SUMF1: variants seen among roughly 807,000 people sequenced by gnomAD.
SUMF1 encodes sulfatase modifying factor 1.
SUMF1 carries 48 observed loss-of-function variants against 47.6 expected under a neutral mutation model. The ratio of observed to expected loss-of-function variants is 1.01; its 90% confidence interval spans 0.80 to 1.28. The LOEUF (loss-of-function observed/expected upper bound fraction) is 1.28, where lower values mean the gene tolerates loss of function less well. SUMF1 is among the 50% of genes most tolerant of loss of function. The pLI, the probability that SUMF1 is intolerant of heterozygous loss-of-function variation, is 0.00. For synonymous variants in SUMF1, 230 were observed against 192.1 expected, an observed-to-expected ratio of 1.20 and a Z score of -1.63; for missense variants, 571 against 485.4, an observed-to-expected ratio of 1.18 and a Z score of -1.66.
intron 8 of SUMF1, among the ~76,000 whole-genome samples, chr3:4,241,467 G>A (rs575050256): frequency 3.3e-5 from 5 of 152,234 alleles, no homozygotes; most frequent in Admixed American, 2.0e-4. Context: ...ACTTGGCTAA[G>A]TCATGTAACC....
intron 8 of SUMF1, among the ~76,000 whole-genome samples, chr3:4,088,701 G>T (rs770998957): frequency 4.6e-5 from 7 of 152,072 alleles, no homozygotes; most frequent in Non-Finnish European, 1.0e-4. Flanking sequence ...CTAGGATGGA[G>T]CCTGACATAT....
At chr3:4,050,560 A>G (rs1695089465) in intron 9 of SUMF1, among the ~76,000 whole-genome samples, 1 of 151,546 alleles carries the variant, frequency 6.6e-6, no homozygotes, top group Non-Finnish European at 1.5e-5. Flanking sequence ...TGGGCAACAT[A>G]GCAAGACCCC....
At chr3:4,145,124 C>A (rs1363186463) in intron 8 of SUMF1, among the ~76,000 whole-genome samples, 2 of 141,250 alleles carry the variant, frequency 1.4e-5, no homozygotes. Context: ...ACCCAGGAGG[C>A]GGAGCTTGCA....
rs906752856 is a variant in SUMF1 at position 4,111,032 on chromosome 3, A to G, written c.1015-42287T>C. Among the ~76,000 whole-genome samples the G allele has an allele frequency of 1.1e-4, 16 of 149,416 alleles. 3 individuals are homozygous for G. Among genetic ancestry groups the G allele is most frequent in the East Asian group, 2.0e-4 (1 of 5,018 alleles). On this transcript the variant is annotated intron_variant and NMD_transcript_variant, in intron 8 of 12. Coordinates refer to the SUMF1 transcript ENST00000448413. ...ACTTACAATCATAGCAAAAAAAAAA[A>G]GGGAGAGATTAAAATATTTCAGTTG...
chr3:4,119,743 C>G (rs1195805600), intron 8 of SUMF1, among the ~76,000 whole-genome samples: 1 of 151,754 alleles, frequency 6.6e-6, no homozygotes, highest in Non-Finnish European at 1.5e-5. Flanking sequence ...CACAAACCAC[C>G]AAGTTCTCAT....
At chr3:4,108,898 T>G (rs1414777395) in intron 8 of SUMF1, among the ~76,000 whole-genome samples, 5 of 152,208 alleles carry the variant, frequency 3.3e-5, no homozygotes, top group Middle Eastern at 6.8e-3. Context: ...TCTGTGTCTT[T>G]TAATTGGAGC....
At chr3:4,161,502 C>T (rs189959122) in intron 8 of SUMF1, among the ~76,000 whole-genome samples, 4 of 152,110 alleles carry the variant, frequency 2.6e-5, no homozygotes, top group Admixed American at 1.3e-4. Context: ...TGAGTTGGCA[C>T]ACAAATCGTA....
chr3:4,074,262 G>A (rs1692359814), intron 8 of SUMF1, among the ~76,000 whole-genome samples: 1 of 152,050 alleles, frequency 6.6e-6, no homozygotes, highest in Non-Finnish European at 1.5e-5. Context: ...CAAAATGAAG[G>A]CAGAAATAAA....
chr3:4,152,782 C>G (rs1012333369), intron 8 of SUMF1, among the ~76,000 whole-genome samples: 1 of 151,542 alleles, frequency 6.6e-6, no homozygotes, highest in Non-Finnish European at 1.5e-5. Flanking sequence ...CCTTCTGCAC[C>G]CAACCCCACC....
intron 8 of SUMF1, among the ~76,000 whole-genome samples, chr3:4,321,470 T>TAA (rs1206478992): frequency 0.12 from 7,319 of 63,570 alleles, 349 homozygotes; most frequent in Non-Finnish European, 0.15. Flanking sequence ...AAGGAAATGC[T>TAA]AAAAAAAAAA....
intron 8 of SUMF1, among the ~76,000 whole-genome samples, chr3:4,152,179 T>A (rs906802877): frequency 6.6e-6 from 1 of 151,648 alleles, no homozygotes; most frequent in Non-Finnish European, 1.5e-5. Flanking sequence ...AAAATTTTAA[T>A]GTTTGAAATG....
At position 4,296,457 on chromosome 3, in the gene SUMF1, T is replaced by C. The variant is rs567617394; in HGVS notation, c.1014+79873A>G. ...AATTTATAAAGGAAAAGAGGTTTAA[T>C]GGACTCACAGTTTCACATGGCTGGG... On this transcript the variant is annotated intron_variant and NMD_transcript_variant, in intron 8 of 12. Coordinates refer to the SUMF1 transcript ENST00000448413. Among the ~76,000 whole-genome samples the C allele has an allele frequency of 7.5e-3, 955 of 127,778 alleles. 14 individuals are homozygous for C. Among genetic ancestry groups the C allele is most frequent in the African/African-American group, 0.026 (919 of 35,488 alleles). 83.8% of individuals were successfully genotyped at this position (127,778 alleles called of 152,430 possible).
At chr3:4,225,941 G>A (rs188179326) in intron 8 of SUMF1, among the ~76,000 whole-genome samples, 9 of 152,088 alleles carry the variant, frequency 5.9e-5, no homozygotes, top group Non-Finnish European at 1.3e-4. Context: ...GGAAGATGTA[G>A]GATGGAGAGC....
At chr3:4,350,895 C>T (rs1425439202) in intron 8 of SUMF1, among the ~76,000 whole-genome samples, 1 of 151,840 alleles carries the variant, frequency 6.6e-6, no homozygotes, top group Admixed American at 6.6e-5. Context: ...CACACTACCC[C>T]TAAATAAAAG....
At chr3:4,220,097 A>T (rs1696028461) in intron 8 of SUMF1, among the ~76,000 whole-genome samples, 1 of 152,146 alleles carries the variant, frequency 6.6e-6, no homozygotes, top group Non-Finnish European at 1.5e-5. Flanking sequence ...GCATTACATA[A>T]GTCACTACAA....
intron 7 of SUMF1, among the ~76,000 whole-genome samples, chr3:4,395,884 T>C (rs1701024130): frequency 1.3e-5 from 2 of 152,192 alleles, no homozygotes; most frequent in South Asian, 4.1e-4. Flanking sequence ...AGCACATAAA[T>C]AAACAATAGC....
chr3:4,371,758 A>G (rs1259629014), intron 8 of SUMF1, among the ~76,000 whole-genome samples: 5 of 152,214 alleles, frequency 3.3e-5, no homozygotes, highest in Admixed American at 3.3e-4. Context: ...CAATCCTATG[A>G]GATAGGCATC....
At chr3:4,098,603 T>G (rs1692959426) in intron 8 of SUMF1, among the ~76,000 whole-genome samples, 1 of 152,146 alleles carries the variant, frequency 6.6e-6, no homozygotes, top group African/African-American at 2.4e-5. Context: ...AGATGTAGCC[T>G]ATTTTTTCTG....
At chr3:4,466,117 C>CT (rs565449521) in intron 1 of SUMF1, among the ~76,000 whole-genome samples, 1,660 of 147,938 alleles carry the variant, frequency 0.011, 13 homozygotes, top group Middle Eastern at 0.036. Flanking sequence ...TTCTTTCTTT[C>CT]TTTTTTTTTT....
Sources: gnomAD v4.1 joint callset for allele counts (sites outside exome capture counted in the v4.1 genomes callset) on GRCh38, gnomAD v4.1.1 for gene constraint, MANE v1.5 for transcripts, NCBI Gene and HGNC (gene_info 2026-07-23, HGNC 2026-07-21) for gene names.